The following TLL1 variants were observed in gnomAD, a reference collection of about 807,000 sequenced individuals.
TLL1 encodes tolloid-like protein 1.
In TLL1, 49 loss-of-function variants were observed where a neutral mutation model predicts 128.2. The observed-to-expected ratio is 0.38, with a 90% CI of 0.30 to 0.48. TLL1 has a LOEUF of 0.48. TLL1 is among the 20% of genes least tolerant of loss of function. The probability of loss-of-function intolerance (pLI) is 0.96; values close to 1 mark genes in which losing one functional copy is unlikely to be tolerated. For synonymous variants in TLL1, 454 were observed against 418.8 expected (o/e 1.08, Z -1.03); for missense variants, 1,123 against 1,242.0 (o/e 0.90, Z 1.44).
chr4:166,056,205 A>T (rs1739999957), intron 13 of TLL1, among the ~76,000 whole-genome samples: 1 of 152,082 alleles, frequency 6.6e-6, no homozygotes, highest in African/African-American at 2.4e-5. Context: ...GATATATTTC[A>T]TAGAAGAAAC....
At chr4:166,003,606 T>A (rs1189489216) in intron 6 of TLL1, 37 bp downstream of exon 6, 1 of 1,599,122 alleles carries the variant, frequency 6.3e-7, no homozygotes, top group South Asian at 1.1e-5. Context: ...TAAGGCTGAC[T>A]GGGTATCTTT....
intron 9 of TLL1, among the ~76,000 whole-genome samples, chr4:166,038,026 C>T (rs1579656683): frequency 2.0e-5 from 3 of 151,954 alleles, no homozygotes; most frequent in Non-Finnish European, 4.4e-5. Context: ...TATAGTTATC[C>T]TGTGTCATTT....
intron 1 of TLL1, among the ~76,000 whole-genome samples, chr4:165,900,003 G>A (rs1215734663): frequency 6.7e-6 from 1 of 150,086 alleles, no homozygotes; most frequent in Admixed American, 6.6e-5. Context: ...ATCTTTGTTG[G>A]CTTAAAGTCT....
At chr4:166,034,416 G>A (rs551441835) in intron 9 of TLL1, among the ~76,000 whole-genome samples, 1 of 152,250 alleles carries the variant, frequency 6.6e-6, no homozygotes, top group South Asian at 2.1e-4. Context: ...AGTTAGGGAT[G>A]AGTGGGATGA....
At chr4:165,940,198 T>C (rs1287558792) in intron 1 of TLL1, among the ~76,000 whole-genome samples, 1 of 152,038 alleles carries the variant, frequency 6.6e-6, no homozygotes, top group Non-Finnish European at 1.5e-5. Context: ...GCACAATTTT[T>C]CTATGTAATT....
At chr4:166,032,860 G>A (rs1030601039) in intron 9 of TLL1, among the ~76,000 whole-genome samples, 1 of 152,052 alleles carries the variant, frequency 6.6e-6, no homozygotes, top group African/African-American at 2.4e-5. Flanking sequence ...GGACCATTGG[G>A]TCATTCATAT....
chr4:165,955,731 G>T (rs1051460600), intron 1 of TLL1, among the ~76,000 whole-genome samples: 1 of 152,130 alleles, frequency 6.6e-6, no homozygotes, highest in Non-Finnish European at 1.5e-5. Flanking sequence ...TTCCAGAAAA[G>T]CAATGCTATG....
chr4:166,100,251 GC>G (rs1245708796), intron 20 of TLL1, among the ~76,000 whole-genome samples: 1 of 152,046 alleles, frequency 6.6e-6, no homozygotes, highest in African/African-American at 2.4e-5. Context: ...TTGAACTCCT[GC>G]CCAAATGACA....
intron 8 of TLL1, among the ~76,000 whole-genome samples, chr4:166,015,875 TA>T (rs1737917502): frequency 6.6e-6 from 1 of 151,880 alleles, no homozygotes; most frequent in Non-Finnish European, 1.5e-5. Flanking sequence ...TTTTCAATTT[TA>T]CTGTAATTGT....
In TLL1 at chr4:166,102,391, G is replaced by A. The variant is rs1742329637; in HGVS notation, c.*1515G>A. On this transcript the variant is annotated 3_prime_UTR_variant, in exon 21 of 21. Coordinates refer to ENST00000061240, the MANE Select transcript of TLL1 (RefSeq NM_012464.5). ...TGTAGATGTGTGATTGTCTGAGTGA[G>A]TGAAACTACAAGAGGTAAAAAATAA... 6.6e-6 allele frequency: 1 copy of A among 152,420 alleles called. No individual in the cohort carries two copies. Among genetic ancestry groups the A allele is most frequent in the African/African-American group, 2.4e-5 (1 of 41,424 alleles). 9.4% of individuals were successfully genotyped at this position (152,420 alleles called of 1,614,324 possible).
intron 15 of TLL1, among the ~76,000 whole-genome samples, chr4:166,064,706 T>C (rs1740492245): frequency 6.6e-6 from 1 of 152,078 alleles, no homozygotes; most frequent in Admixed American, 6.6e-5. Flanking sequence ...TGACAACATC[T>C]TTAGCCTCGG....
At chr4:165,930,992 A>G (rs1313620642) in intron 1 of TLL1, among the ~76,000 whole-genome samples, 1 of 152,362 alleles carries the variant, frequency 6.6e-6, no homozygotes, top group Middle Eastern at 3.4e-3. Context: ...TTGGGTGTCA[A>G]GCACTGTTCT....
rs1042169864 is a variant in TLL1 at position 165,994,927 on chromosome 4, A to G, written c.515-134A>G. 15 of 730,992 alleles carry G rather than the reference A, an allele frequency of 2.1e-5. No individual in the cohort carries two copies. In the African/African-American group the frequency reaches 2.4e-4, roughly 12 times the overall value. 45.3% of individuals were successfully genotyped at this position (730,992 alleles called of 1,614,324 possible). A position where few individuals can be genotyped will look rare whatever the true frequency, so the allele number is the denominator to read the frequency against. ...TTAACAATGACTCATTTGTGGTGCC[A>G]TAAACTAGTATTCTTTGGTTGATGA... On this transcript the variant is annotated intron_variant, in intron 4 of 20. Coordinates refer to ENST00000061240, the MANE Select transcript of TLL1 (RefSeq NM_012464.5).
intron 1 of TLL1, among the ~76,000 whole-genome samples, chr4:165,942,740 TAAG>T (rs1734076889): frequency 6.6e-6 from 1 of 151,914 alleles, no homozygotes; most frequent in African/African-American, 2.4e-5. Context: ...GGGATAACTG[TAAG>T]AATAAAGATA....
At chr4:166,068,233 C>G (rs961704462) in intron 16 of TLL1, among the ~76,000 whole-genome samples, 3 of 151,612 alleles carry the variant, frequency 2.0e-5, no homozygotes, top group Non-Finnish European at 4.4e-5. Flanking sequence ...AGGTTAAAAA[C>G]ATGTTTGTAA....
At chr4:166,034,521 T>C (rs1452767928) in intron 9 of TLL1, among the ~76,000 whole-genome samples, 3 of 152,138 alleles carry the variant, frequency 2.0e-5, no homozygotes, top group East Asian at 1.9e-4. Context: ...GCAAACTCTA[T>C]TGAGATTACT....
chr4:165,921,139 T>C (rs1388915780), intron 1 of TLL1, among the ~76,000 whole-genome samples: 1 of 152,146 alleles, frequency 6.6e-6, no homozygotes, highest in Admixed American at 6.5e-5. Context: ...CTGCCTACCC[T>C]CCTGGGTTGT....
At chr4:165,899,133 G>A (rs1731831366) in intron 1 of TLL1, among the ~76,000 whole-genome samples, 1 of 139,412 alleles carries the variant, frequency 7.2e-6, no homozygotes, top group African/African-American at 2.4e-5. Flanking sequence ...TGTCTGGCTA[G>A]TGGTCTATCT....
intron 1 of TLL1, among the ~76,000 whole-genome samples, chr4:165,900,835 C>T (rs1731951124): frequency 6.6e-6 from 1 of 152,130 alleles, no homozygotes; most frequent in Non-Finnish European, 1.5e-5. Context: ...GAGTGTTTTC[C>T]AACTTGGTTC....
Sources: gnomAD v4.1 joint callset for allele counts (sites outside exome capture counted in the v4.1 genomes callset) on GRCh38, gnomAD v4.1.1 for gene constraint, MANE v1.5 for transcripts, NCBI Gene and HGNC (gene_info 2026-07-23, HGNC 2026-07-21) for gene names.